The following THADA variants were observed in gnomAD, a reference collection of about 807,000 sequenced individuals.
THADA encodes THADA armadillo repeat containing, also known as tRNA (32-2'-O)-methyltransferase regulator THADA.
Under a neutral mutation model 219.8 loss-of-function variants are expected in THADA, and 213 were observed. That is an observed-to-expected ratio of 0.97 (90% CI 0.87 to 1.09). The LOEUF (loss-of-function observed/expected upper bound fraction) is 1.09, where lower values mean the gene tolerates loss of function less well. Among genes scored for constraint, THADA ranks in the 50% least tolerant of loss-of-function variants. The pLI is 0.00. For missense variants in THADA, 2,956 were observed against 2,311.3 expected, an observed-to-expected ratio of 1.28 and a Z score of -5.72; for synonymous variants, 1,018 against 828.9, an observed-to-expected ratio of 1.23 and a Z score of -3.92.
intron 22 of THADA, among the ~76,000 whole-genome samples, chr2:43,514,184 T>C (rs770788038): frequency 1.4e-4 from 22 of 151,800 alleles, no homozygotes; most frequent in Non-Finnish European, 2.6e-4. Context: ...GCACGGTGGC[T>C]CACGCCTGTA....
intron 21 of THADA, among the ~76,000 whole-genome samples, chr2:43,530,426 G>A: frequency 6.6e-6 from 1 of 152,110 alleles, no homozygotes; most frequent in East Asian, 1.9e-4. Flanking sequence ...AGTAACTCAT[G>A]ATAGCCAGCT....
intron 24 of THADA, among the ~76,000 whole-genome samples, chr2:43,504,096 C>T (rs1178130485): frequency 6.6e-6 from 1 of 151,668 alleles, no homozygotes; most frequent in Non-Finnish European, 1.5e-5. Flanking sequence ...AACTCTGAAA[C>T]ACTTCTGGTC....
At chr2:43,282,284 G>A (rs945642676) in intron 35 of THADA, among the ~76,000 whole-genome samples, 22 of 152,142 alleles carry the variant, frequency 1.4e-4, no homozygotes, top group African/African-American at 4.8e-4. Flanking sequence ...ACTCACAGAA[G>A]GTCCCTTCTC....
rs202126240 is a variant in THADA, at chr2:43,274,993, C to CTTTTTTT, written c.5296+4771_5296+4772insAAAAAAA. ...AAACTGTTTTCCTTTCTTTTCTTTT[C>CTTTTTTT]TTTTCTTTTTTTTTTTTTTTTGAGG... On this transcript the variant is annotated intron_variant, in intron 36 of 37. Coordinates refer to ENST00000405975, the MANE Select transcript of THADA (RefSeq NM_022065.5). Among the ~76,000 whole-genome samples, 11 of 121,618 alleles carry CTTTTTTT rather than the reference C, an allele frequency of 9.0e-5. 1 individual carries two copies. The highest frequency in any genetic ancestry group is 1.2e-4 in the African/African-American group (4 of 32,262). 79.8% of individuals were successfully genotyped at this position (121,618 alleles called of 152,430 possible).
intron 28 of THADA, among the ~76,000 whole-genome samples, chr2:43,410,215 A>C (rs1676110809): frequency 6.6e-6 from 1 of 152,194 alleles, no homozygotes; most frequent in African/African-American, 2.4e-5. Flanking sequence ...ACTCACTAGA[A>C]AGGCTAAAGT....
At chr2:43,314,896 G>A (rs1055526304) in intron 31 of THADA, among the ~76,000 whole-genome samples, 11 of 152,198 alleles carry the variant, frequency 7.2e-5, no homozygotes, top group Non-Finnish European at 1.2e-4. Context: ...AATGGCTGAG[G>A]AAACCTCAAA....
rs540769819 is a variant in THADA, at chr2:43,435,303, T to A, written c.3837-5001A>T. Among the ~76,000 whole-genome samples the A allele has an allele frequency of 2.9e-3, 441 of 151,778 alleles. 1 individual carries two copies. Among genetic ancestry groups the A allele is most frequent in the South Asian group, 7.3e-3 (35 of 4,796 alleles). Reference sequence around the variant, plus strand: ...AATCCCATCTCTACTAAAAGAAGAATACAAAATTAGCCAGGCATGGTGGTG... The same window carrying A: ...AATCCCATCTCTACTAAAAGAAGAAAACAAAATTAGCCAGGCATGGTGGTG... On this transcript the variant is annotated intron_variant, in intron 26 of 37. Coordinates refer to ENST00000405975, the MANE Select transcript of THADA (RefSeq NM_022065.5).
chr2:43,489,141 A>AT (rs2105026045), intron 25 of THADA, among the ~76,000 whole-genome samples: 1 of 151,920 alleles, frequency 6.6e-6, no homozygotes, highest in African/African-American at 2.4e-5. Context: ...TTTGAAAAAC[A>AT]TTTTTTTTCT....
At chr2:43,246,351 C>T (rs1261038841) in intron 36 of THADA, among the ~76,000 whole-genome samples, 6 of 152,006 alleles carry the variant, frequency 3.9e-5, no homozygotes, top group East Asian at 3.9e-4. Flanking sequence ...AAAAATTAGC[C>T]GGGCACGGTG....
intron 31 of THADA, among the ~76,000 whole-genome samples, chr2:43,297,148 G>A (rs1158501731): frequency 1.0e-5 from 1 of 96,536 alleles, no homozygotes; most frequent in African/African-American, 4.9e-5. Context: ...GTCTCTGCCC[G>A]GCCGCCCATC....
chr2:43,271,506 C>A (rs546034668), intron 36 of THADA, among the ~76,000 whole-genome samples: 42 of 151,958 alleles, frequency 2.8e-4, no homozygotes, highest in Admixed American at 2.2e-3. Flanking sequence ...TCAATTCATT[C>A]ATTCAATTGA....
intron 31 of THADA, among the ~76,000 whole-genome samples, chr2:43,314,095 T>A (rs1677811614): frequency 1.3e-5 from 2 of 152,194 alleles, no homozygotes; most frequent in Admixed American, 1.3e-4. Context: ...TTGAAAACAA[T>A]GTTTCCTAAA....
chr2:43,504,501 C>T (rs1689406328), intron 24 of THADA, among the ~76,000 whole-genome samples: 1 of 152,232 alleles, frequency 6.6e-6, no homozygotes, highest in Admixed American at 6.5e-5. Context: ...GAAATAAAAT[C>T]ATATGTACTT....
chr2:43,557,446 C>G (rs1224077787), intron 16 of THADA, among the ~76,000 whole-genome samples: 1 of 152,162 alleles, frequency 6.6e-6, no homozygotes, highest in African/African-American at 2.4e-5. Flanking sequence ...AGGTAGTTCA[C>G]TGGAGAAAAC....
At chr2:43,307,141 G>C (rs866248809) in intron 31 of THADA, among the ~76,000 whole-genome samples, 1 of 152,178 alleles carries the variant, frequency 6.6e-6, no homozygotes, top group African/African-American at 2.4e-5. Context: ...CATTGGATAT[G>C]AGCAATGCAA....
rs994609002 is a variant in THADA at position 43,255,999 on chromosome 2, G to A, written c.5297-23117C>T. On this transcript the variant is annotated intron_variant, in intron 36 of 37. Coordinates refer to ENST00000405975, the MANE Select transcript of THADA (RefSeq NM_022065.5). ...GACCATTAGGTGAACTATTGAAAGA[G>A]CCAATCTCCTTTCTACTGAAACATT... is the stretch of plus-strand genomic sequence containing the variant. Among the ~76,000 whole-genome samples, 41 of 152,300 alleles carry A rather than the reference G, an allele frequency of 2.7e-4. 1 individual carries two copies. The highest frequency in any genetic ancestry group is 8.7e-4 in the African/African-American group (36 of 41,578).
chr2:43,339,366 C>T (rs148940510), intron 30 of THADA, among the ~76,000 whole-genome samples: 32 of 152,292 alleles, frequency 2.1e-4, no homozygotes, highest in African/African-American at 7.7e-4. Context: ...CTGAAACCTC[C>T]GCCTCCCAGG....
chr2:43,467,355 C>G (rs933782941), intron 26 of THADA, among the ~76,000 whole-genome samples: 1 of 152,062 alleles, frequency 6.6e-6, no homozygotes, highest in Non-Finnish European at 1.5e-5. Context: ...ATAAATAACC[C>G]AAATTCCAAG....
intron 28 of THADA, among the ~76,000 whole-genome samples, chr2:43,414,124 G>C (rs1346087582): frequency 1.3e-5 from 2 of 152,032 alleles, no homozygotes; most frequent in Non-Finnish European, 2.9e-5. Context: ...AAATGTTTTT[G>C]ATCTACAGTT....
Sources: allele counts gnomAD v4.1 joint callset (sites outside exome capture counted in the v4.1 genomes callset), GRCh38; gene constraint gnomAD v4.1.1; transcripts MANE v1.5; gene names NCBI Gene and HGNC (gene_info 2026-07-23, HGNC 2026-07-21).